Variants in CDC42BPB observed in about 807,000 individuals in gnomAD.
CDC42BPB encodes CDC42 binding protein kinase beta.
Under a neutral mutation model 214.9 loss-of-function variants are expected in CDC42BPB, and 37 were observed. That is an observed-to-expected ratio of 0.17 (90% CI 0.13 to 0.23). CDC42BPB has a LOEUF of 0.23. Among genes scored for constraint, CDC42BPB ranks in the 10% least tolerant of loss-of-function variants. The probability of loss-of-function intolerance (pLI) is 1.00; values close to 1 mark genes in which losing one functional copy is unlikely to be tolerated. For missense variants in CDC42BPB, 1,694 were observed against 2,227.0 expected (o/e 0.76, Z 4.82); for synonymous variants, 931 against 884.0 (o/e 1.05, Z -0.94).
At chr14:102,971,800 G>T in intron 13 of CDC42BPB, 119 bp downstream of exon 13, 2 of 959,030 alleles carry the variant, frequency 2.1e-6, no homozygotes, top group Non-Finnish European at 1.6e-6. Context: ...CAACTTACTT[G>T]GCTCCACAGA....
chr14:102,941,406 C>T, intron 30 of CDC42BPB: 1 of 985,390 alleles, frequency 1.0e-6, no homozygotes, highest in South Asian at 4.7e-5. Context: ...CTTCTGAATA[C>T]AAAAAGGGAA....
At chr14:102,997,371 A>AC (rs1181897240) in intron 5 of CDC42BPB, among the ~76,000 whole-genome samples, 1 of 150,952 alleles carries the variant, frequency 6.6e-6, no homozygotes, top group Non-Finnish European at 1.5e-5. Context: ...TCTCTCATAT[A>AC]CCCCCCTTCC....
At chr14:103,020,498 C>T (rs780871194) in intron 1 of CDC42BPB, among the ~76,000 whole-genome samples, 14 of 152,342 alleles carry the variant, frequency 9.2e-5, no homozygotes, top group Admixed American at 6.5e-5. Context: ...AAGACCTACG[C>T]GGAGGCCGAG....
At chr14:103,037,705 G>C (rs1355536144) in intron 1 of CDC42BPB, among the ~76,000 whole-genome samples, 1 of 152,114 alleles carries the variant, frequency 6.6e-6, no homozygotes, top group Non-Finnish European at 1.5e-5. Flanking sequence ...AGCTAAGGGA[G>C]GTGGCTCAAG....
At chr14:102,950,142 C>T in intron 25 of CDC42BPB, 1 of 968,848 alleles carries the variant, frequency 1.0e-6, no homozygotes, top group Non-Finnish European at 1.2e-6. Context: ...ATGCAGGGTG[C>T]TGTGGTACAC....
chr14:102,952,770 G>T (rs1021866579), intron 23 of CDC42BPB, 167 bp from the exon 24 acceptor site: 2 of 983,438 alleles, frequency 2.0e-6, no homozygotes, highest in African/African-American at 3.5e-5. Flanking sequence ...TCATCAAATA[G>T]TGGTGAAAAC....
At chr14:102,957,813 A>C (rs562426681) in intron 21 of CDC42BPB, among the ~76,000 whole-genome samples, 2 of 152,208 alleles carry the variant, frequency 1.3e-5, no homozygotes, top group East Asian at 3.9e-4. Flanking sequence ...CCCCCTACTC[A>C]CACAGGCAGC....
intron 28 of CDC42BPB, 40 bp downstream of exon 28, chr14:102,946,428 T>C (rs1392801094): frequency 1.4e-5 from 23 of 1,607,566 alleles, no homozygotes; most frequent in Non-Finnish European, 1.6e-5. Flanking sequence ...GGAAGTGCTG[T>C]TGCTTCAGAC....
At chr14:102,968,932 G>GA in intron 14 of CDC42BPB, 1 of 972,416 alleles carries the variant, frequency 1.0e-6, no homozygotes, top group Non-Finnish European at 1.2e-6. Flanking sequence ...GCCCAGGTCT[G>GA]CCTGGGACCC....
At chr14:103,041,702 A>AG in intron 1 of CDC42BPB, 1 of 554,508 alleles carries the variant, frequency 1.8e-6, no homozygotes, top group Non-Finnish European at 3.3e-6. Flanking sequence ...AGCTTGGAGG[A>AG]GCTCAGGGTG....
intron 1 of CDC42BPB, among the ~76,000 whole-genome samples, chr14:103,018,534 G>T (rs1886594236): frequency 6.6e-6 from 1 of 152,210 alleles, no homozygotes; most frequent in Non-Finnish European, 1.5e-5. Flanking sequence ...CGCATCGATA[G>T]TGTTGGAACT....
intron 12 of CDC42BPB, 22 bp from the exon 13 acceptor site, chr14:102,972,183 T>A: frequency 6.2e-7 from 1 of 1,607,236 alleles, no homozygotes. Flanking sequence ...CAATTATAGA[T>A]GTTTTACGTT....
chr14:102,968,012 A>G (rs1320732512), intron 16 of CDC42BPB, among the ~76,000 whole-genome samples: 3 of 151,554 alleles, frequency 2.0e-5, no homozygotes, highest in Non-Finnish European at 4.4e-5. Flanking sequence ...GGAGAATGGC[A>G]TGAACCTGGG....
At chr14:102,994,809 G>A (rs1894652748) in intron 5 of CDC42BPB, among the ~76,000 whole-genome samples, 1 of 152,200 alleles carries the variant, frequency 6.6e-6, no homozygotes, top group Non-Finnish European at 1.5e-5. Flanking sequence ...CCATTTCTGA[G>A]TGATGTCAAC....
Position 102,974,295 on chromosome 14 carries a change from C to CACACACACACAG in CDC42BPB, c.1508-147_1508-146insCTGTGTGTGTGT, listed in dbSNP as rs904178060. On this transcript the variant is annotated intron_variant, in intron 11 of 36. Coordinates refer to ENST00000361246, the MANE Select transcript of CDC42BPB (RefSeq NM_006035.4). Reference sequence around the variant, plus strand: ...GTTTTTTTACTTACACACACACACACACACACACACACACACACACACACA... The same window carrying CACACACACACAG: ...GTTTTTTTACTTACACACACACACACACACACACACAGACACACACACACACACACACACACA... The CACACACACACAG allele has an allele frequency of 6.9e-6, 10 of 1,441,552 alleles. No individual in the cohort carries two copies. The African/African-American group carries it at 1.2e-4, about 17-fold the overall frequency. 89.3% of individuals were successfully genotyped at this position (1,441,552 alleles called of 1,614,324 possible).
chr14:103,036,144 T>G (rs1490865321), intron 1 of CDC42BPB, among the ~76,000 whole-genome samples: 1 of 149,312 alleles, frequency 6.7e-6, no homozygotes, highest in Non-Finnish European at 1.5e-5. Flanking sequence ...AAAAATAAAA[T>G]AAAATATTCT....
chr14:103,008,732 A>G (rs934477121), intron 2 of CDC42BPB, 177 bp from the exon 3 acceptor site: 7 of 981,132 alleles, frequency 7.1e-6, no homozygotes, highest in South Asian at 4.7e-5. Flanking sequence ...TTTTCTTCAC[A>G]GAGAAAGGGA....
At chr14:102,977,924 C>G (rs1893830613) in intron 9 of CDC42BPB, among the ~76,000 whole-genome samples, 1 of 152,178 alleles carries the variant, frequency 6.6e-6, no homozygotes, top group Non-Finnish European at 1.5e-5. Context: ...AGAGAAAAAG[C>G]CTGCAACCTT....
chr14:102,963,200 G>T, intron 19 of CDC42BPB, 45 bp from the exon 20 acceptor site: 1 of 1,560,512 alleles, frequency 6.4e-7, no homozygotes. Context: ...AGAAGAGGTT[G>T]TCTGTGAGCT....
Sources: allele counts gnomAD v4.1 joint callset (sites outside exome capture counted in the v4.1 genomes callset), GRCh38; gene constraint gnomAD v4.1.1; transcripts MANE v1.5; gene names NCBI Gene and HGNC (gene_info 2026-07-23, HGNC 2026-07-21).